PPP3CC: variants seen among roughly 807,000 people sequenced by gnomAD.
PPP3CC encodes the protein protein phosphatase 3 catalytic subunit gamma.
Under a neutral mutation model 60.3 loss-of-function variants are expected in PPP3CC, and 35 were observed. The observed-to-expected ratio is 0.58, with a 90% CI of 0.44 to 0.77. PPP3CC has a LOEUF of 0.77. Ranked by LOEUF, PPP3CC falls within the 30% of genes least tolerant of loss-of-function variation. PPP3CC has a pLI of 0.00. For missense variants in PPP3CC, 570 were observed against 628.9 expected (o/e 0.91, Z 1.00); for synonymous variants, 206 against 224.3 (o/e 0.92, Z 0.73).
chr8:22,533,243 A>G (rs1216752028), intron 12 of PPP3CC, among the ~76,000 whole-genome samples: 3 of 152,256 alleles, frequency 2.0e-5, no homozygotes, highest in Non-Finnish European at 4.4e-5. Flanking sequence ...ACAAGAAGAA[A>G]GTATGGAGAG....
chr8:22,504,073 G>C (rs545463974), intron 4 of PPP3CC, among the ~76,000 whole-genome samples: 1 of 151,992 alleles, frequency 6.6e-6, no homozygotes, highest in South Asian at 2.1e-4. Context: ...GGCTTTTCTT[G>C]TATCAATCTT....
Position 22,540,676 on chromosome 8 carries a change from C to T in PPP3CC, c.1413C>T (p.Asp471=). Reference sequence around the variant, plus strand: ...GTTTTGAAGAAGCGCGAGGTCTGGACCGAATTAATGAGCGAATGCCACCCC... The same window carrying T: ...GTTTTGAAGAAGCGCGAGGTCTGGATCGAATTAATGAGCGAATGCCACCCC... ...IRSFEEARGL[D]RINERMPPRK... is the part of the protein sequence containing the mutation. Residue 471 remains aspartate, a synonymous_variant, in exon 14 of 14, where the codon GAC becomes GAT. Transcript: ENST00000240139. The T allele has an allele frequency of 6.2e-7, 1 of 1,614,066 alleles. No homozygotes were observed. The highest frequency in any genetic ancestry group is 1.3e-5 in the African/African-American group (1 of 75,034).
At chr8:22,469,301 T>C (rs1447417399) in intron 1 of PPP3CC, among the ~76,000 whole-genome samples, 2 of 151,276 alleles carry the variant, frequency 1.3e-5, no homozygotes, top group Non-Finnish European at 2.9e-5. Flanking sequence ...CACATGGAGG[T>C]AGAGAATGGA....
chr8:22,532,937 G>A lies in PPP3CC; in HGVS notation c.1240G>A (p.Val414Met), dbSNP rs141498030. Residue 414 changes from valine to methionine, a missense_variant, in exon 12 of 14, where the codon GTG (valine) becomes ATG (methionine). Coordinates refer to ENST00000240139, the MANE Select transcript of PPP3CC (RefSeq NM_005605.5). ...CCTTTGCAGGCAAGAAAGTGAGAGT[G>A]TGCTGACTCTCAAGGGCCTGACTCC... Reference protein sequence around the residue: ...FSILRQESESVLTLKGLTPTG... With the variant: ...FSILRQESESMLTLKGLTPTG... 612 of 1,599,966 alleles carry A rather than the reference G, an allele frequency of 3.8e-4. No homozygotes were observed. Among genetic ancestry groups the A allele is most frequent in the Non-Finnish European group, 5.1e-4 (595 of 1,172,782 alleles).
chr8:22,487,450 C>G (rs1838258043), intron 3 of PPP3CC, among the ~76,000 whole-genome samples: 1 of 151,948 alleles, frequency 6.6e-6, no homozygotes, highest in Non-Finnish European at 1.5e-5. Flanking sequence ...ATGGTAAAAC[C>G]CTGTCTCTAC....
At chr8:22,528,916 G>T (rs1003263407) in intron 10 of PPP3CC, among the ~76,000 whole-genome samples, 4 of 152,142 alleles carry the variant, frequency 2.6e-5, no homozygotes, top group African/African-American at 9.7e-5. Context: ...GATCAGTGTT[G>T]TAACTAATCC....
At chr8:22,517,209 G>C (rs1839270308) in intron 6 of PPP3CC, among the ~76,000 whole-genome samples, 1 of 152,108 alleles carries the variant, frequency 6.6e-6, no homozygotes, top group East Asian at 1.9e-4. Context: ...TTTATCCCAG[G>C]GATAAATCCC....
chr8:22,532,848 T>G, intron 11 of PPP3CC, 73 bp from the exon 12 acceptor site: 6 of 1,058,866 alleles, frequency 5.7e-6, no homozygotes, highest in Non-Finnish European at 7.9e-6. Flanking sequence ...CTTTCTTCAC[T>G]TCCTTCAATA....
At chr8:22,486,267 T>C (rs1352729484) in intron 3 of PPP3CC, among the ~76,000 whole-genome samples, 6 of 152,150 alleles carry the variant, frequency 3.9e-5, no homozygotes, top group African/African-American at 1.2e-4. Context: ...ATAGATGGGA[T>C]TGGGGTTGCA....
intron 10 of PPP3CC, among the ~76,000 whole-genome samples, chr8:22,529,737 G>A (rs944644165): frequency 9.9e-5 from 15 of 152,004 alleles, no homozygotes; most frequent in East Asian, 1.9e-4. Context: ...TGCCTGCCTC[G>A]GTCTCCCAAA....
At chr8:22,502,346 T>C (rs559864892) in intron 4 of PPP3CC, among the ~76,000 whole-genome samples, 1 of 152,248 alleles carries the variant, frequency 6.6e-6, no homozygotes, top group South Asian at 2.1e-4. Flanking sequence ...AGTGATGAAA[T>C]AAGTGATAAT....
chr8:22,486,202 A>G (rs1427673845), intron 3 of PPP3CC, among the ~76,000 whole-genome samples: 1 of 152,194 alleles, frequency 6.6e-6, no homozygotes, highest in African/African-American at 2.4e-5. Flanking sequence ...AGGTCATGCT[A>G]TTGCATACAT....
chr8:22,450,541 A>G (rs973537935), intron 1 of PPP3CC, among the ~76,000 whole-genome samples: 1 of 152,086 alleles, frequency 6.6e-6, no homozygotes, highest in African/African-American at 2.4e-5. Flanking sequence ...CATATCCTCT[A>G]CTTCATCCTA....
intron 3 of PPP3CC, chr8:22,492,933 G>T: frequency 8.0e-7 from 1 of 1,245,436 alleles, no homozygotes; most frequent in Non-Finnish European, 1.2e-6. Context: ...AAACCAGCTT[G>T]GTGCACACTG....
At position 22,475,009 on chromosome 8, in the gene PPP3CC, G is replaced by A; in HGVS notation, c.105G>A (p.Gly35=). 10 of 1,611,444 alleles carry A rather than the reference G, an allele frequency of 6.2e-6. No homozygotes were observed. The highest frequency in any genetic ancestry group is 1.3e-5 in the African/African-American group (1 of 74,946). ...RLTFKEVFEN[G]KPKVDVLKNH... ...CTTTCAAGGAAGTATTTGAGAATGG[G>A]AAACCTAAAGTTGATGTTTTAAAAA... The change falls in exon 2 of 14, where the codon GGG becomes GGA. Residue 35 remains glycine, a synonymous_variant. Coordinates refer to ENST00000240139, the MANE Select transcript of PPP3CC (RefSeq NM_005605.5).
intron 1 of PPP3CC, among the ~76,000 whole-genome samples, chr8:22,450,739 T>G (rs938764532): frequency 2.0e-5 from 3 of 152,246 alleles, no homozygotes; most frequent in Admixed American, 1.3e-4. Flanking sequence ...TAAACCTCTC[T>G]AGGCTTGTGT....
Position 22,441,406 on chromosome 8 carries a change from G to A in PPP3CC, c.-4G>A, listed in dbSNP as rs759653530. 1 of 1,542,384 alleles carries A rather than the reference G, an allele frequency of 6.5e-7. No homozygotes were observed. The highest frequency in any genetic ancestry group is 1.2e-5 in the South Asian group (1 of 82,640). The stretch of plus-strand genomic sequence containing the variant: ...CCTGGAGCCTGGAGGAGGCCGAGGG[G>A]ACCATGTCCGGGAGGCGCTTCCACC... On this transcript the variant is annotated 5_prime_UTR_variant, in exon 1 of 14. Transcript: ENST00000240139.
intron 6 of PPP3CC, among the ~76,000 whole-genome samples, chr8:22,514,700 T>C: frequency 7.2e-6 from 1 of 138,072 alleles, no homozygotes; most frequent in South Asian, 2.3e-4. Flanking sequence ...TTTTTTTTTT[T>C]CCTTTTTTGA....
At chr8:22,499,290 T>A (rs920596464) in intron 4 of PPP3CC, among the ~76,000 whole-genome samples, 7 of 145,564 alleles carry the variant, frequency 4.8e-5, no homozygotes, top group African/African-American at 1.8e-4. Flanking sequence ...ATACAAAAAA[T>A]TAGCCGGGCG....
Sources: gnomAD v4.1 joint callset for allele counts (sites outside exome capture counted in the v4.1 genomes callset) on GRCh38, gnomAD v4.1.1 for gene constraint, MANE v1.5 for transcripts, NCBI Gene and HGNC (gene_info 2026-07-23, HGNC 2026-07-21) for gene names.